TUT7: variants seen among roughly 807,000 people sequenced by gnomAD.
The protein encoded by TUT7 is terminal uridylyltransferase 7.
TUT7 carries 33 observed loss-of-function variants against 165.9 expected under a neutral mutation model. That is an observed-to-expected ratio of 0.20 (90% CI 0.15 to 0.27). The LOEUF is 0.27. TUT7 is among the 10% of genes least tolerant of loss of function. The probability of loss-of-function intolerance (pLI) is 1.00; values close to 1 mark genes in which losing one functional copy is unlikely to be tolerated. For synonymous variants in TUT7, 552 were observed against 608.1 expected (o/e 0.91, Z 1.36); for missense variants, 1,338 against 1,762.3 (o/e 0.76, Z 4.31).
intron 26 of TUT7, among the ~76,000 whole-genome samples, chr9:86,296,050 C>T (rs755469878): frequency 6.6e-6 from 1 of 152,086 alleles, no homozygotes; most frequent in Non-Finnish European, 1.5e-5. Flanking sequence ...TAAAAATTTC[C>T]ATTATTTGTT....
At chr9:86,344,840 A>C (rs1831619182) in intron 5 of TUT7, 137 bp downstream of exon 5, 3 of 888,942 alleles carry the variant, frequency 3.4e-6, no homozygotes, top group Middle Eastern at 3.5e-4. Flanking sequence ...CAGGGAAAAC[A>C]AAAAACAAAA....
rs574993579 is a variant in TUT7, at chr9:86,322,468, G to T, written c.2885C>A (p.Thr962Lys). Reference sequence around the variant, plus strand: ...TCGTTTGCATAAGCTGCACACTACCGTAGGAGACTGCAGGAATATGGCAAA... The same window carrying T: ...TCGTTTGCATAAGCTGCACACTACCTTAGGAGACTGCAGGAATATGGCAAA... ...KLIFTKGKSP[T>K]VVCSLCKREG... is the part of the protein sequence containing the mutation. The change falls in exon 14 of 27, where the codon ACG becomes AAG. Residue 962 changes from threonine to lysine, a missense_variant. By Grantham distance (78) the Thr-to-Lys change is moderately conservative. Coordinates refer to ENST00000375963, the MANE Select transcript of TUT7 (RefSeq NM_024617.4). 6.8e-6 allele frequency: 11 copies of T among 1,609,308 alleles called. No homozygotes were observed. Among genetic ancestry groups the T allele is most frequent in the Non-Finnish European group, 9.3e-6 (11 of 1,178,708 alleles).
chr9:86,345,947 T>A (rs1268842762), intron 3 of TUT7, among the ~76,000 whole-genome samples, 162 bp from the exon 4 acceptor site: 1 of 152,138 alleles, frequency 6.6e-6, no homozygotes. Context: ...TATTCACAGA[T>A]ACCATTATAG....
In TUT7 at chr9:86,322,916, T is replaced by C. The variant is rs1829447694; in HGVS notation, c.2834A>G (p.Asp945Gly). 6.2e-7 allele frequency: 1 copy of C among 1,601,902 alleles called. No homozygotes were observed. The highest frequency in any genetic ancestry group is 1.4e-5 in the African/African-American group (1 of 71,808). The change falls in exon 13 of 27, where the codon GAT (aspartate) becomes GGT (glycine). Residue 945 changes from aspartate (D) to glycine (G), a missense_variant. This residue lies in a region of TUT7 where 425 missense variants were observed against 474.9 expected (regional missense o/e 0.89). Transcript: ENST00000375963. ...AAGTTTACTGAATTCATAAAAAAAATCAGACTGATCCACAGGTGAATTTTT... is the reference window on the plus strand; with the variant it reads ...AAGTTTACTGAATTCATAAAAAAAACCAGACTGATCCACAGGTGAATTTTT... ...EEKNSPVDQS[D>G]FFYEFSKLIF...
At position 86,323,073 on chromosome 9, in the gene TUT7, A is replaced by G. The variant is rs1207097713; in HGVS notation, c.2677T>C (p.Ser893Pro). The G allele has an allele frequency of 6.2e-7, 1 of 1,614,124 alleles. No individual in the cohort carries two copies. The highest frequency in any genetic ancestry group is 1.1e-5 in the South Asian group (1 of 91,082). Residue 893 changes from serine to proline, a missense_variant, in exon 13 of 27, where the codon TCT (serine) becomes CCT (proline). Transcript: ENST00000375963. Reference protein sequence around the residue: ...YTGSGDEDALSEEDDELGEAA... With the variant: ...YTGSGDEDALPEEDDELGEAA... The stretch of plus-strand genomic sequence containing the variant: ...TCGCCTAACTCATCATCCTCTTCAG[A>G]TAGGGCGTCCTCATCCCCTGACCCA...
rs1402684751 is a variant in TUT7, at chr9:86,337,434, T to C, written c.1440A>G (p.Val480=). The change falls in exon 10 of 27, where the codon GTA becomes GTG. Residue 480 remains valine (V), a synonymous_variant. Transcript: ENST00000375963. ...TGTTTTATACCCATGATCCTAGATATACAGGCAAAAGGGGTTCTTTCCTCT... is the reference window on the plus strand; with the variant it reads ...TGTTTTATACCCATGATCCTAGATACACAGGCAAAAGGGGTTCTTTCCTCT... ...LQQRKEPLLP[V]YLGSWIEGFS... is the part of the protein sequence containing the mutation. 3 of 1,613,580 alleles carry C rather than the reference T, an allele frequency of 1.9e-6. No homozygotes were observed. The highest frequency in any genetic ancestry group is 2.5e-6 in the Non-Finnish European group (3 of 1,179,752).
At chr9:86,314,832 A>G (rs1332308459) in intron 17 of TUT7, among the ~76,000 whole-genome samples, 1 of 152,182 alleles carries the variant, frequency 6.6e-6, no homozygotes, top group East Asian at 1.9e-4. Context: ...GAAAATCTCC[A>G]AATGTACCAA....
intron 10 of TUT7, among the ~76,000 whole-genome samples, chr9:86,334,725 C>A (rs1830621398): frequency 6.6e-6 from 1 of 152,044 alleles, no homozygotes; most frequent in Non-Finnish European, 1.5e-5. Flanking sequence ...TTTTTATACC[C>A]AGGGTTCTTT....
At chr9:86,313,073 G>A (rs1285275643) in intron 17 of TUT7, among the ~76,000 whole-genome samples, 1 of 151,454 alleles carries the variant, frequency 6.6e-6, no homozygotes, top group Non-Finnish European at 1.5e-5. Context: ...CTCCACTATT[G>A]TCCTGTGACC....
Position 86,308,468 on chromosome 9 carries a change from A to G in TUT7, c.3799T>C (p.Phe1267Leu). Reference protein sequence around the residue: ...SIRRKSLLTTFKKQWTSKYIV... With the variant: ...SIRRKSLLTTLKKQWTSKYIV... ...TATTTTGAGGTCCACTGTTTCTTAA[A>G]AGTTGTAAGCAGACTTTTTCTCCTG... Residue 1267 changes from phenylalanine to leucine, a missense_variant, in exon 22 of 27, where the codon TTT becomes CTT. Phe to Leu is a conservative substitution (Grantham distance 22). This residue lies in a region of TUT7 where 157 missense variants were observed against 357.5 expected (regional missense o/e 0.44). Coordinates refer to ENST00000375963, the MANE Select transcript of TUT7 (RefSeq NM_024617.4). The G allele has an allele frequency of 6.2e-7, 1 of 1,613,478 alleles. No homozygotes were observed. The highest frequency in any genetic ancestry group is 8.5e-7 in the Non-Finnish European group (1 of 1,179,820).
chr9:86,346,268 T>C, intron 3 of TUT7, 31 bp downstream of exon 3: 3 of 1,592,160 alleles, frequency 1.9e-6, no homozygotes, highest in Non-Finnish European at 2.6e-6. Flanking sequence ...ACCAGGATTC[T>C]AACCAACAAA....
chr9:86,352,497 T>C (rs1297138740), intron 2 of TUT7, 183 bp downstream of exon 2: 4 of 721,166 alleles, frequency 5.5e-6, no homozygotes, highest in Non-Finnish European at 9.2e-6. Context: ...ATGAAATGTG[T>C]TTTAGCTGCT....
chr9:86,351,556 T>C (rs1471573652), intron 2 of TUT7, among the ~76,000 whole-genome samples: 2 of 152,266 alleles, frequency 1.3e-5, no homozygotes, highest in Admixed American at 6.5e-5. Context: ...GAGACTTTCA[T>C]TTTTATCCTA....
chr9:86,301,387 C>A lies in TUT7; in HGVS notation c.4309G>T (p.Val1437Leu). Residue 1437 changes from valine to leucine, a missense_variant, in exon 26 of 27, where the codon GTA (valine) becomes TTA (leucine). By Grantham distance (32) the Val-to-Leu change is conservative. Coordinates refer to ENST00000375963, the MANE Select transcript of TUT7 (RefSeq NM_024617.4). ...TCATCCTGTCTCTTCCATTTTTCTA[C>A]TGGTGGCCTGAGGATCTTCTCCCTC... ...LGREKILRPP[V>L]EKWKRQDDKD... The A allele has an allele frequency of 6.2e-7, 1 of 1,614,110 alleles. No individual in the cohort carries two copies. The highest frequency in any genetic ancestry group is 2.2e-5 in the East Asian group (1 of 44,868).
intron 10 of TUT7, among the ~76,000 whole-genome samples, chr9:86,334,147 G>A (rs1362079851): frequency 6.6e-6 from 1 of 151,982 alleles, no homozygotes; most frequent in Non-Finnish European, 1.5e-5. Context: ...GTGGAGCTAG[G>A]TACCTCCCTT....
At chr9:86,333,487 G>A (rs980419659) in intron 10 of TUT7, among the ~76,000 whole-genome samples, 2 of 151,972 alleles carry the variant, frequency 1.3e-5, no homozygotes, top group Non-Finnish European at 2.9e-5. Flanking sequence ...ATTTTTCCTG[G>A]CTATGTCTAG....
chr9:86,347,549 G>T (rs994073994), intron 2 of TUT7, among the ~76,000 whole-genome samples: 29 of 151,978 alleles, frequency 1.9e-4, no homozygotes, highest in African/African-American at 7.0e-4. Context: ...GGAAATATAG[G>T]ACCTCCAATT....
At chr9:86,296,954 G>A (rs114587893) in intron 26 of TUT7, among the ~76,000 whole-genome samples, 539 of 152,308 alleles carry the variant, frequency 3.5e-3, no homozygotes, top group African/African-American at 0.012. Flanking sequence ...GGATAGGATC[G>A]ATTTTAACCA....
At chr9:86,334,192 C>T (rs1013247281) in intron 10 of TUT7, among the ~76,000 whole-genome samples, 6 of 152,156 alleles carry the variant, frequency 3.9e-5, no homozygotes, top group Admixed American at 2.0e-4. Context: ...GGTTAGGCTT[C>T]AGTAAGAGTA....
Sources: allele counts gnomAD v4.1 joint callset (sites outside exome capture counted in the v4.1 genomes callset), GRCh38; gene constraint gnomAD v4.1.1; regional missense constraint gnomAD v4.1.1; transcripts MANE v1.5; gene names NCBI Gene and HGNC (gene_info 2026-07-23, HGNC 2026-07-21).